SMCR8: variants seen among roughly 807,000 people sequenced by gnomAD.
The protein encoded by SMCR8 is guanine nucleotide exchange protein SMCR8.
In SMCR8, 30 loss-of-function variants were observed where a neutral mutation model predicts 56.6. The ratio of observed to expected loss-of-function variants is 0.53; its 90% CI spans 0.40 to 0.72. SMCR8 has a LOEUF of 0.72. Among genes scored for constraint, SMCR8 ranks in the 30% least tolerant of loss-of-function variants. The pLI is 0.00. For synonymous variants in SMCR8, 538 were observed against 456.0 expected, an observed-to-expected ratio of 1.18 and a Z score of -2.29; for missense variants, 1,198 against 1,157.0, an observed-to-expected ratio of 1.04 and a Z score of -0.51.
intron 1 of SMCR8, among the ~76,000 whole-genome samples, chr17:18,319,483 G>A (rs2062796708): frequency 6.6e-6 from 1 of 152,148 alleles, no homozygotes; most frequent in African/African-American, 2.4e-5. Flanking sequence ...GCGCTGCAGA[G>A]GCTCTGCACT....
chr17:18,316,412 T>G lies in SMCR8; in HGVS notation c.623T>G (p.Val208Gly). 6.2e-7 allele frequency: 1 copy of G among 1,613,742 alleles called. No individual in the cohort carries two copies. Among genetic ancestry groups the G allele is most frequent in the Non-Finnish European group, 8.5e-7 (1 of 1,179,942 alleles). The change falls in exon 1 of 2, where the codon GTG becomes GGG. Residue 208 changes from valine to glycine, a missense_variant. Val to Gly is a moderately radical substitution (Grantham distance 109). Coordinates refer to ENST00000406438, the MANE Select transcript of SMCR8 (RefSeq NM_144775.3). ...KLKDLDYTRTVLHTETEIQKK... is the reference protein window; with the variant it reads ...KLKDLDYTRTGLHTETEIQKK... ...AAAGACTTGGATTACACCAGGACAG[T>G]GCTACACACAGAAACGGAGATCCAG...
Position 18,317,409 on chromosome 17 carries a change from C to G in SMCR8, c.1620C>G (p.Ala540=), listed in dbSNP as rs1040311857. 2.1e-5 allele frequency: 34 copies of G among 1,613,968 alleles called. No individual in the cohort carries two copies. The highest frequency in any genetic ancestry group is 2.9e-5 in the Non-Finnish European group (34 of 1,180,036). The change falls in exon 1 of 2, where the codon GCC becomes GCG. Residue 540 remains alanine, a synonymous_variant. Transcript: ENST00000406438. ...PDDFKASYPS[A]INEEESYPDG... ...ACTTTAAGGCCAGCTACCCAAGTGCCATTAATGAAGAAGAATCATATCCAG... is the reference window on the plus strand; with the variant it reads ...ACTTTAAGGCCAGCTACCCAAGTGCGATTAATGAAGAAGAATCATATCCAG...
chr17:18,325,886 C>T lies in SMCR8; in HGVS notation c.*2816C>T, dbSNP rs965272351. On this transcript the variant is annotated 3_prime_UTR_variant, in exon 2 of 2. Coordinates refer to ENST00000406438, the MANE Select transcript of SMCR8 (RefSeq NM_144775.3). ...ACCAGCCTGGCCAACATGGTGAAAC[C>T]CCATCTCTACTAAAAATACAAAGAA... 1.3e-5 allele frequency: 2 copies of T among 152,076 alleles called. No individual in the cohort carries two copies. The highest frequency in any genetic ancestry group is 4.8e-5 in the African/African-American group (2 of 41,396). The allele number at this position is 152,076 out of a possible 1,614,324, so 9.4% of individuals were successfully genotyped here. A position where few individuals can be genotyped will look rare whatever the true frequency, so the allele number is the denominator to read the frequency against.
At position 18,322,827 on chromosome 17, in the gene SMCR8, G is replaced by A; in HGVS notation, c.2571G>A (p.Lys857=). 1 of 1,614,010 alleles carries A rather than the reference G, an allele frequency of 6.2e-7. No individual in the cohort carries two copies. Residue 857 remains lysine, a synonymous_variant, in exon 2 of 2, where the codon AAG becomes AAA. Transcript: ENST00000406438. ...GCATGCTCACCCAGCTCTGCTCCAA[G>A]GCCTTCCTCTACACCTTCTGCCACC... ...VQSMLTQLCS[K]AFLYTFCHHL...
At chr17:18,319,745 G>C (rs1333589171) in intron 1 of SMCR8, among the ~76,000 whole-genome samples, 1 of 152,148 alleles carries the variant, frequency 6.6e-6, no homozygotes, top group Non-Finnish European at 1.5e-5. Flanking sequence ...GTTGGAGACA[G>C]AGTCTTGCTC....
Position 18,315,564 on chromosome 17 carries a change from C to A in SMCR8, c.-226C>A. On this transcript the variant is annotated 5_prime_UTR_variant, in exon 1 of 2. Coordinates refer to ENST00000406438, the MANE Select transcript of SMCR8 (RefSeq NM_144775.3). ...AGGGCAGTTGGGCCTGCGGCCTTGG[C>A]GTTCATGAGGCCTCAGAGAGCTCCG... The A allele has an allele frequency of 2.0e-6, 1 of 496,188 alleles. No homozygotes were observed. The highest frequency in any genetic ancestry group is 3.5e-6 in the Non-Finnish European group (1 of 281,764). 30.7% of individuals were successfully genotyped at this position (496,188 alleles called of 1,614,324 possible). A position where few individuals can be genotyped will look rare whatever the true frequency, so the allele number is the denominator to read the frequency against.
chr17:18,324,318 C>T lies in SMCR8; in HGVS notation c.*1248C>T, dbSNP rs1393741691. The T allele has an allele frequency of 1.3e-5, 2 of 152,260 alleles. No individual in the cohort carries two copies. Among genetic ancestry groups the T allele is most frequent in the Non-Finnish European group, 2.9e-5 (2 of 68,090 alleles). The allele number at this position is 152,260 out of a possible 1,614,324, so 9.4% of individuals were successfully genotyped here. ...GACAAGTTTGAAACTGGGAAGGAGA[C>T]ACCCCCTGGTTCCGCCAGCACCTAT... On this transcript the variant is annotated 3_prime_UTR_variant, in exon 2 of 2. Transcript: ENST00000406438.
At position 18,317,699 on chromosome 17, in the gene SMCR8, C is replaced by T. The variant is rs771656021; in HGVS notation, c.1910C>T (p.Pro637Leu). Residue 637 changes from proline (P) to leucine (L), a missense_variant, in exon 1 of 2, where the codon CCT becomes CTT. Physicochemically the swap from Pro to Leu is moderately conservative, Grantham distance 98. Coordinates refer to ENST00000406438, the MANE Select transcript of SMCR8 (RefSeq NM_144775.3). ...GACTTTTCAGTGGAAAATGCCAACCCTTCTTCCCGAGACAACAGTTGTGAA... is the reference window on the plus strand; with the variant it reads ...GACTTTTCAGTGGAAAATGCCAACCTTTCTTCCCGAGACAACAGTTGTGAA... ...RVDFSVENAN[P>L]SSRDNSCEGF... 4.8e-5 allele frequency: 78 copies of T among 1,614,072 alleles called. No individual in the cohort carries two copies. The highest frequency in any genetic ancestry group is 6.0e-5 in the Non-Finnish European group (71 of 1,180,006).
In SMCR8 at chr17:18,316,357, G is replaced by A; in HGVS notation, c.568G>A (p.Ala190Thr). 1 of 1,614,180 alleles carries A rather than the reference G, an allele frequency of 6.2e-7. No individual in the cohort carries two copies. Among genetic ancestry groups the A allele is most frequent in the Non-Finnish European group, 8.5e-7 (1 of 1,180,034 alleles). ...SECLKTGNRK[A>T]FAGELEKKLK... ...GTGCTTGAAGACTGGCAACAGGAAG[G>A]CATTTGCTGGGGAACTTGAAAAAAA... Residue 190 changes from alanine (A) to threonine (T), a missense_variant, in exon 1 of 2, where the codon GCA (alanine) becomes ACA (threonine). Ala to Thr is a moderately conservative substitution (Grantham distance 58). Transcript: ENST00000406438.
rs371735774 is a variant in SMCR8 at position 18,317,567 on chromosome 17, G to A, written c.1778G>A (p.Gly593Asp). 71 of 1,614,034 alleles carry A rather than the reference G, an allele frequency of 4.4e-5. No homozygotes were observed. The Middle Eastern group carries it at 1.5e-3, about 34-fold the overall frequency. Residue 593 changes from glycine (G) to aspartate (D), a missense_variant, in exon 1 of 2, where the codon GGT (glycine) becomes GAT (aspartate). Physicochemically the swap from Gly to Asp is moderately conservative, Grantham distance 94 (BLOSUM62 -1). Transcript: ENST00000406438. ...SSCCIGKESD[G>D]QLVLPSTPAH... ...TGCTGTATTGGGAAGGAGAGCGATG[G>A]TCAGTTGGTGCTGCCCTCCACTCCA...
rs199521653 is a variant in SMCR8, at chr17:18,317,845, T to A, written c.2056T>A (p.Ser686Thr). Residue 686 changes from serine (S) to threonine (T), a missense_variant, in exon 1 of 2, where the codon TCA (serine) becomes ACA (threonine). Coordinates refer to ENST00000406438, the MANE Select transcript of SMCR8 (RefSeq NM_144775.3). ...CGTGAGCAGTGTAGCGTCCACCAGC[T>A]CAGACAGGATCCCCTCTGCTTATCC... ...SYVSSVASTS[S>T]DRIPSAYPAG... is the part of the protein sequence containing the mutation. 35 of 1,614,100 alleles carry A rather than the reference T, an allele frequency of 2.2e-5. No individual in the cohort carries two copies. In the East Asian group the frequency reaches 7.8e-4, roughly 36 times the overall value.
Position 18,316,088 on chromosome 17 carries a change from A to G in SMCR8, c.299A>G (p.Gln100Arg). 1.2e-6 allele frequency: 2 copies of G among 1,614,166 alleles called. No individual in the cohort carries two copies. The highest frequency in any genetic ancestry group is 1.7e-6 in the Non-Finnish European group (2 of 1,180,030). The change falls in exon 1 of 2, where the codon CAG becomes CGG. Residue 100 changes from glutamine to arginine, a missense_variant. Physicochemically the swap from Gln to Arg is conservative, Grantham distance 43 (BLOSUM62 1). Coordinates refer to ENST00000406438, the MANE Select transcript of SMCR8 (RefSeq NM_144775.3). ...FSLRIMSVDY[Q>R]ASFVGHPPGS... ...CTGCGTATCATGTCTGTGGATTACC[A>G]GGCTTCCTTCGTGGGCCATCCTCCT...
chr17:18,320,745 C>A (rs1427141365), intron 1 of SMCR8, among the ~76,000 whole-genome samples: 1 of 152,186 alleles, frequency 6.6e-6, no homozygotes, highest in Non-Finnish European at 1.5e-5. Flanking sequence ...GGTCCATAGC[C>A]CAGTGCTGTC....
In SMCR8 at chr17:18,323,057, TG is replaced by T. The variant is rs2142994423; in HGVS notation, c.2802del (p.Leu934PhefsTer16). The T allele has an allele frequency of 1.9e-6, 3 of 1,613,126 alleles. No individual in the cohort carries two copies. The highest frequency in any genetic ancestry group is 2.5e-6 in the Non-Finnish European group (3 of 1,179,366). On this transcript the variant is annotated frameshift_variant, in exon 2 of 2. Coordinates refer to ENST00000406438, the MANE Select transcript of SMCR8 (RefSeq NM_144775.3). LOFTEE classifies it high-confidence loss of function. ...AGGTTTGACTATGTCCCCAGCTTTTTGTATAAAATCTGAGGTCGGTCCCAGA... is the reference window on the plus strand; with the variant it reads ...AGGTTTGACTATGTCCCCAGCTTTTTTATAAAATCTGAGGTCGGTCCCAGA... ...MLRFDYVPSF[L>X]YKI
chr17:18,323,245 G>T lies in SMCR8; in HGVS notation c.*175G>T, dbSNP rs1982557473. ...TTGGACATGGGCAGAAGTGGAGCCTGGCTCCCTCTAAAGGCGTCTGGAGGG... is the reference window on the plus strand; with the variant it reads ...TTGGACATGGGCAGAAGTGGAGCCTTGCTCCCTCTAAAGGCGTCTGGAGGG... On this transcript the variant is annotated 3_prime_UTR_variant, in exon 2 of 2. Transcript: ENST00000406438. 1 of 620,766 alleles carries T rather than the reference G, an allele frequency of 1.6e-6. No individual in the cohort carries two copies. Among genetic ancestry groups the T allele is most frequent in the Admixed American group, 3.0e-5 (1 of 33,870 alleles). 38.5% of individuals were successfully genotyped at this position (620,766 alleles called of 1,614,324 possible).
rs1358757055 is a variant in SMCR8, at chr17:18,322,624, T to A, written c.2368T>A (p.Ser790Thr). 6.2e-7 allele frequency: 1 copy of A among 1,612,620 alleles called. No homozygotes were observed. Among genetic ancestry groups the A allele is most frequent in the Non-Finnish European group, 8.5e-7 (1 of 1,179,220 alleles). Residue 790 changes from serine (S) to threonine (T), a missense_variant, in exon 2 of 2, where the codon TCC becomes ACC. Ser to Thr is a moderately conservative substitution (Grantham distance 58). Transcript: ENST00000406438. The part of the protein sequence containing the change: ...WKLIGLQRVA[S>T]PAGAGTLHAL... ...TTGGCCTGTCTGTTTCAGAGTGGCC[T>A]CCCCTGCCGGTGCCGGTACCCTCCA...
rs773204211 is a variant in SMCR8, at chr17:18,316,888, A to G, written c.1099A>G (p.Ile367Val). 43 of 1,614,120 alleles carry G rather than the reference A, an allele frequency of 2.7e-5. No individual in the cohort carries two copies. The highest frequency in any genetic ancestry group is 3.4e-5 in the Non-Finnish European group (40 of 1,180,052). The stretch of plus-strand genomic sequence containing the variant: ...TAGAGCACTTCTAAAACAACAGCAT[A>G]TAACAAACTTTCTCTTTGAAGACTT... ...IDRALLKQQH[I>V]TNFLFEDFVE... The change falls in exon 1 of 2, where the codon ATA becomes GTA. Residue 367 changes from isoleucine (I) to valine (V), a missense_variant. By Grantham distance (29) the Ile-to-Val change is conservative (BLOSUM62 3). Transcript: ENST00000406438.
chr17:18,316,652 A>C lies in SMCR8; in HGVS notation c.863A>C (p.Asp288Ala). 6.2e-7 allele frequency: 1 copy of C among 1,614,200 alleles called. No homozygotes were observed. The highest frequency in any genetic ancestry group is 1.6e-4 in the Middle Eastern group (1 of 6,062). ...ASQASTTSNP[D>A]ESADTDLYTC... is the part of the protein sequence containing the mutation. ...CAGGCATCCACTACCTCTAACCCTG[A>C]TGAGTCTGCCGACACAGACCTTTAC... Residue 288 changes from aspartate (D) to alanine (A), a missense_variant, in exon 1 of 2, where the codon GAT becomes GCT. By Grantham distance (126) the Asp-to-Ala change is moderately radical (BLOSUM62 -2). Coordinates refer to ENST00000406438, the MANE Select transcript of SMCR8 (RefSeq NM_144775.3).
At chr17:18,322,568 A>T in intron 1 of SMCR8, 49 bp from the exon 2 acceptor site, 1 of 1,568,254 alleles carries the variant, frequency 6.4e-7, no homozygotes, top group Non-Finnish European at 8.7e-7. Context: ...TTCTGCCTCC[A>T]CTTTCCCGGC....
Sources: gnomAD v4.1 joint callset for allele counts (sites outside exome capture counted in the v4.1 genomes callset) on GRCh38, gnomAD v4.1.1 for gene constraint, MANE v1.5 for transcripts, NCBI Gene and HGNC (gene_info 2026-07-23, HGNC 2026-07-21) for gene names.